ZNF655: variants seen among roughly 807,000 people sequenced by gnomAD.
ZNF655 encodes the protein zinc finger protein 655.
Under a neutral mutation model 6.6 loss-of-function variants are expected in ZNF655, and 3 were observed. The ratio of observed to expected loss-of-function variants is 0.46; its 90% CI spans 0.21 to 1.18. The LOEUF is 1.18. Ranked by LOEUF, ZNF655 falls within the 50% of genes most tolerant of loss-of-function variation. The pLI, the probability that ZNF655 is intolerant of heterozygous loss-of-function variation, is 0.24. For missense variants in ZNF655, 526 were observed against 572.3 expected (o/e 0.92, Z 0.83); for synonymous variants, 178 against 195.0 (o/e 0.91, Z 0.73).
chr7:99,560,894 A>C, intron 2 of ZNF655, 199 bp downstream of exon 2: 6 of 495,596 alleles, frequency 1.2e-5, no homozygotes, highest in South Asian at 5.2e-5. Flanking sequence ...CATCTTTCTC[A>C]AATAAGCAGA....
chr7:99,571,171 T>C, intron 2 of ZNF655: 2 of 1,167,772 alleles, frequency 1.7e-6, no homozygotes, highest in South Asian at 2.7e-5. Context: ...CATATTACTC[T>C]TTGTTTTCTT....
At position 99,571,231 on chromosome 7, in the gene ZNF655, T is replaced by C. The variant is rs1485863341; in HGVS notation, c.137-1014T>C. ...TTGAGATTGGTCCTTAGAATATTTA[T>C]TCAGTTTTCACTGATTCTCTTGCTA... On this transcript the variant is annotated intron_variant, in intron 2 of 2. Transcript: ENST00000252713. 4 of 1,287,670 alleles carry C rather than the reference T, an allele frequency of 3.1e-6. No individual in the cohort carries two copies. In the South Asian group the frequency reaches 3.7e-5, roughly 12 times the overall value. The allele number at this position is 1,287,670 out of a possible 1,614,324, so 79.8% of individuals were successfully genotyped here.
intron 2 of ZNF655, chr7:99,562,127 A>G: frequency 2.5e-6 from 2 of 788,008 alleles, no homozygotes; most frequent in Non-Finnish European, 3.9e-6. Flanking sequence ...TGGACTTCAC[A>G]TAAACCAACT....
In ZNF655 at chr7:99,572,877, C is replaced by A. The variant is rs1207928481; in HGVS notation, c.769C>A (p.Arg257=). ...KSFSQSSSLS[R]HKRIHTREKP... ...TTTCAGTCAGAGCTCAAGTCTTAGT[C>A]GACATAAAAGAATACACACTAGAGA... The change falls in exon 3 of 3, where the codon CGA becomes AGA. Residue 257 remains arginine (R), a synonymous_variant. Coordinates refer to ENST00000252713, the MANE Select transcript of ZNF655 (RefSeq NM_138494.3). 1 of 1,613,872 alleles carries A rather than the reference C, an allele frequency of 6.2e-7. No homozygotes were observed. The highest frequency in any genetic ancestry group is 8.5e-7 in the Non-Finnish European group (1 of 1,179,962).
chr7:99,566,041 G>GTGTGTGTGTGTATATA (rs59166250), intron 2 of ZNF655, among the ~76,000 whole-genome samples: 2 of 149,898 alleles, frequency 1.3e-5, no homozygotes, highest in African/African-American at 4.9e-5. Flanking sequence ...GTGTGTGTGT[G>GTGTGTGTGTGTATATA]TATATATATA....
chr7:99,567,918 G>A (rs1430451554), intron 2 of ZNF655, among the ~76,000 whole-genome samples: 2 of 151,790 alleles, frequency 1.3e-5, no homozygotes, highest in Non-Finnish European at 2.9e-5. Flanking sequence ...AATTAGCTGG[G>A]CATGGTGGTA....
chr7:99,569,017 T>C (rs541666028), intron 2 of ZNF655, among the ~76,000 whole-genome samples: 1 of 152,296 alleles, frequency 6.6e-6, no homozygotes, highest in East Asian at 1.9e-4. Context: ...ACTCTTGGGC[T>C]GAAGTGATCT....
intron 1 of ZNF655, among the ~76,000 whole-genome samples, chr7:99,559,719 C>G (rs966044950): frequency 1.3e-5 from 2 of 152,000 alleles, no homozygotes. Flanking sequence ...CCTCTACCTC[C>G]CAAGCTCAAG....
chr7:99,572,174 C>T, intron 2 of ZNF655, 71 bp from the exon 3 acceptor site: 2 of 1,459,248 alleles, frequency 1.4e-6, no homozygotes, highest in Non-Finnish European at 1.8e-6. Context: ...TTAGTTTTCT[C>T]ATCTGAGTTT....
chr7:99,573,686 C>T lies in ZNF655; in HGVS notation c.*102C>T, dbSNP rs1804246347. On this transcript the variant is annotated 3_prime_UTR_variant, in exon 3 of 3. Transcript: ENST00000252713. The stretch of plus-strand genomic sequence containing the variant: ...ATGTATGTACTGCATGTGGTAAAGC[C>T]TTCAGTCATAGCTCAGCCATTGCTC... 7.4e-7 allele frequency: 1 copy of T among 1,351,192 alleles called. No homozygotes were observed. The allele number at this position is 1,351,192 out of a possible 1,614,324, so 83.7% of individuals were successfully genotyped here.
At chr7:99,571,786 T>G in intron 2 of ZNF655, 1 of 1,596,394 alleles carries the variant, frequency 6.3e-7, no homozygotes, top group Non-Finnish European at 8.6e-7. Flanking sequence ...AAGAGATGAC[T>G]GCTCAGGTGA....
At chr7:99,559,448 C>T (rs182709802) in intron 1 of ZNF655, among the ~76,000 whole-genome samples, 109 of 151,518 alleles carry the variant, frequency 7.2e-4, no homozygotes, top group Admixed American at 1.1e-3. Flanking sequence ...CCGTAATCCC[C>T]GCACTTTGGG....
chr7:99,573,412 C>T lies in ZNF655; in HGVS notation c.1304C>T (p.Ser435Leu), dbSNP rs553236171. Residue 435 changes from serine to leucine, a missense_variant, in exon 3 of 3, where the codon TCG (serine) becomes TTG (leucine). Physicochemically the swap from Ser to Leu is moderately radical, Grantham distance 145. Coordinates refer to ENST00000252713, the MANE Select transcript of ZNF655 (RefSeq NM_138494.3). ...QHHKMHRKEK[S>L]YECNEYEGSF... ...CACAAAATGCATAGGAAAGAGAAAT[C>T]GTATGAATGTAATGAGTATGAGGGC... 2.3e-5 allele frequency: 37 copies of T among 1,614,072 alleles called. No individual in the cohort carries two copies. The highest frequency in any genetic ancestry group is 1.1e-4 in the African/African-American group (8 of 75,016).
intron 2 of ZNF655, chr7:99,563,979 A>C: frequency 6.2e-7 from 1 of 1,613,958 alleles, no homozygotes. Flanking sequence ...TACAGCAGGA[A>C]TCTCCAAGAG....
At chr7:99,565,689 G>A (rs1263689589) in intron 2 of ZNF655, among the ~76,000 whole-genome samples, 1 of 152,216 alleles carries the variant, frequency 6.6e-6, no homozygotes, top group Admixed American at 6.5e-5. Flanking sequence ...GTTACTTAGT[G>A]TGGTAGATTA....
intron 2 of ZNF655, chr7:99,563,998 A>G (rs1280223639): frequency 1.9e-6 from 3 of 1,613,862 alleles, no homozygotes; most frequent in Non-Finnish European, 2.5e-6. Context: ...AGATGGCCCA[A>G]GTATCGGCTT....
chr7:99,568,776 G>C (rs964393849), intron 2 of ZNF655, among the ~76,000 whole-genome samples: 1 of 150,088 alleles, frequency 6.7e-6, no homozygotes, highest in Non-Finnish European at 1.5e-5. Context: ...CTCTTGATTC[G>C]TTTGTTGGTT....
At position 99,573,507 on chromosome 7, in the gene ZNF655, G is replaced by A; in HGVS notation, c.1399G>A (p.Asp467Asn). The A allele has an allele frequency of 6.2e-7, 1 of 1,612,162 alleles. No homozygotes were observed. Among genetic ancestry groups the A allele is most frequent in the Non-Finnish European group, 8.5e-7 (1 of 1,179,984 alleles). ...VLTRQKAFDC[D>N]VWEKNSSQRA... ...CACCAGACAGAAAGCCTTTGATTGT[G>A]ATGTATGGGAAAAGAACTCCAGTCA... The change falls in exon 3 of 3, where the codon GAT (aspartate) becomes AAT (asparagine). Residue 467 changes from aspartate to asparagine, a missense_variant. Asp to Asn is a conservative substitution (Grantham distance 23). Transcript: ENST00000252713.
rs1443966918 is a variant in ZNF655 at position 99,573,325 on chromosome 7, A to G, written c.1217A>G (p.Lys406Arg). Residue 406 changes from lysine (K) to arginine (R), a missense_variant, in exon 3 of 3, where the codon AAA (lysine) becomes AGA (arginine). Physicochemically the swap from Lys to Arg is conservative, Grantham distance 26 (BLOSUM62 2). Coordinates refer to ENST00000252713, the MANE Select transcript of ZNF655 (RefSeq NM_138494.3). ...CATCAAAGAATTCACACAGGAGAGA[A>G]AGCACATGAATGTAATGAATGTGGA... ...IQHQRIHTGEKAHECNECGKA... is the reference protein window; with the variant it reads ...IQHQRIHTGERAHECNECGKA... The G allele has an allele frequency of 3.1e-6, 5 of 1,614,200 alleles. No homozygotes were observed. Among genetic ancestry groups the G allele is most frequent in the Non-Finnish European group, 4.2e-6 (5 of 1,180,026 alleles).
Sources: gnomAD v4.1 joint callset for allele counts (sites outside exome capture counted in the v4.1 genomes callset) on GRCh38, gnomAD v4.1.1 for gene constraint, MANE v1.5 for transcripts, NCBI Gene and HGNC (gene_info 2026-07-23, HGNC 2026-07-21) for gene names.